Variants in CNOT2 observed in about 807,000 individuals in gnomAD.
CNOT2 encodes CCR4-NOT transcription complex subunit 2.
A neutral mutation model predicts 72.1 loss-of-function variants in CNOT2; 7 were observed. That is an observed-to-expected ratio of 0.10 (90% CI 0.06 to 0.18). The LOEUF (loss-of-function observed/expected upper bound fraction) is 0.18, where lower values mean the gene tolerates loss of function less well. Ranked by LOEUF, CNOT2 falls within the 10% of genes least tolerant of loss-of-function variation. CNOT2 has a pLI of 1.00. For missense variants in CNOT2, 345 were observed against 660.3 expected, an observed-to-expected ratio of 0.52 and a Z score of 5.23; for synonymous variants, 196 against 225.6, an observed-to-expected ratio of 0.87 and a Z score of 1.17.
intron 2 of CNOT2, among the ~76,000 whole-genome samples, chr12:70,304,115 T>G (rs1405213119): frequency 6.6e-6 from 1 of 152,204 alleles, no homozygotes; most frequent in Non-Finnish European, 1.5e-5. Flanking sequence ...TAATTTTTTT[T>G]CAAGGTTTTT....
intron 6 of CNOT2, chr12:70,331,440 A>G (rs1879926495): frequency 6.6e-6 from 1 of 151,822 alleles, no homozygotes; most frequent in Admixed American, 6.6e-5. Context: ...TAACTTTATC[A>G]TATCTTTGTG....
chr12:70,251,978 T>C (rs896876594), intron 1 of CNOT2, among the ~76,000 whole-genome samples: 1 of 152,212 alleles, frequency 6.6e-6, no homozygotes, highest in East Asian at 1.9e-4. Context: ...ACATAGGTGC[T>C]GATATTTATG....
intron 2 of CNOT2, among the ~76,000 whole-genome samples, chr12:70,281,607 A>G (rs981846631): frequency 2.0e-5 from 3 of 152,240 alleles, no homozygotes; most frequent in Admixed American, 6.5e-5. Context: ...GTAATGCCTC[A>G]CCTTTGTTCA....
chr12:70,333,291 T>A (rs1275929093), intron 7 of CNOT2, among the ~76,000 whole-genome samples: 2 of 151,896 alleles, frequency 1.3e-5, no homozygotes, highest in Admixed American at 1.3e-4. Context: ...TTCTTAATAG[T>A]TTTAATAATA....
chr12:70,259,775 C>T (rs1048425503), intron 1 of CNOT2, among the ~76,000 whole-genome samples: 16 of 152,130 alleles, frequency 1.1e-4, no homozygotes, highest in African/African-American at 3.9e-4. Context: ...ATCCTCTTCC[C>T]CCAGTTTTGC....
At chr12:70,256,607 G>T (rs963377005) in intron 1 of CNOT2, among the ~76,000 whole-genome samples, 14 of 147,120 alleles carry the variant, frequency 9.5e-5, no homozygotes, top group Non-Finnish European at 1.5e-4. Context: ...AAAAAAAGTG[G>T]TAATAGCATA....
rs550124573 is a variant in CNOT2 at position 70,353,368 on chromosome 12, C to T, written c.1537-461C>T. On this transcript the variant is annotated intron_variant, in intron 15 of 15. Coordinates refer to ENST00000229195, the MANE Select transcript of CNOT2 (RefSeq NM_014515.7). ...GGGATTACAGACGTGAGCCACTGTG[C>T]GCGGCCCTGCTTATTTTTTAATATA... 1.6e-4 allele frequency among the ~76,000 whole-genome samples: 25 copies of T among 152,170 alleles called. No homozygotes were observed. The South Asian group carries it at 4.2e-3, about 25-fold the overall frequency.
chr12:70,287,548 G>A (rs1871117336), intron 2 of CNOT2, among the ~76,000 whole-genome samples: 1 of 149,640 alleles, frequency 6.7e-6, no homozygotes, highest in Non-Finnish European at 1.5e-5. Flanking sequence ...ATTTGTTTAT[G>A]TGTTTGAACA....
intron 7 of CNOT2, among the ~76,000 whole-genome samples, chr12:70,333,487 C>T (rs971658906): frequency 1.3e-5 from 2 of 151,744 alleles, no homozygotes; most frequent in African/African-American, 4.8e-5. Flanking sequence ...TTAGGTTTTA[C>T]CTTCTCCACC....
intron 9 of CNOT2, chr12:70,337,747 T>G (rs1362429687): frequency 1.8e-6 from 1 of 546,014 alleles, no homozygotes; most frequent in East Asian, 4.5e-5. Flanking sequence ...ATTTAGACTT[T>G]TATTGTAGTC....
intron 2 of CNOT2, among the ~76,000 whole-genome samples, chr12:70,291,723 G>A (rs528965991): frequency 6.6e-6 from 1 of 152,058 alleles, no homozygotes; most frequent in Non-Finnish European, 1.5e-5. Flanking sequence ...AGATCACCAG[G>A]TCAGGAGATC....
intron 4 of CNOT2, chr12:70,323,710 T>C (rs1878648319): frequency 6.6e-6 from 1 of 151,786 alleles, no homozygotes; most frequent in Non-Finnish European, 1.5e-5. Context: ...CAGCAAGAAG[T>C]ACAGTCTTCA....
intron 8 of CNOT2, chr12:70,336,902 C>T (rs1035149397): frequency 6.5e-6 from 1 of 153,430 alleles, no homozygotes; most frequent in East Asian, 1.9e-4. Flanking sequence ...TGTTTTACAT[C>T]TATAACATGG....
rs569486503 is a variant in CNOT2 at position 70,353,261 on chromosome 12, C to T, written c.1537-568C>T. Among the ~76,000 whole-genome samples the T allele has an allele frequency of 2.6e-3, 396 of 151,854 alleles. 1 individual carries two copies. The highest frequency in any genetic ancestry group is 6.8e-3 in the Middle Eastern group (2 of 294). The stretch of plus-strand genomic sequence containing the variant: ...CTAATTTTTGTATTTTTAGTACAGA[C>T]GGGGTTTCACCATGTTGATTGGTAA... On this transcript the variant is annotated intron_variant, in intron 15 of 15. Transcript: ENST00000229195.
At chr12:70,302,460 C>A (rs1255408044) in intron 2 of CNOT2, among the ~76,000 whole-genome samples, 1 of 151,720 alleles carries the variant, frequency 6.6e-6, no homozygotes, top group African/African-American at 2.4e-5. Flanking sequence ...TTTCTGCCTT[C>A]ATTTCGTTAT....
At chr12:70,287,532 A>G (rs773046280) in intron 2 of CNOT2, among the ~76,000 whole-genome samples, 4 of 149,736 alleles carry the variant, frequency 2.7e-5, no homozygotes, top group Non-Finnish European at 4.4e-5. Context: ...TCTGTATGAT[A>G]CAATTATTTG....
intron 2 of CNOT2, among the ~76,000 whole-genome samples, chr12:70,292,635 T>G (rs1010285325): frequency 3.9e-5 from 6 of 152,046 alleles, no homozygotes; most frequent in African/African-American, 1.4e-4. Context: ...CAGGGGAGAT[T>G]AGAGATAACA....
intron 3 of CNOT2, 125 bp from the exon 4 acceptor site, chr12:70,319,172 GT>G: frequency 1.4e-6 from 1 of 719,396 alleles, no homozygotes; most frequent in Non-Finnish European, 2.2e-6. Context: ...TTTGTTTTAT[GT>G]TTTTCTGAAG....
At chr12:70,338,265 T>C (rs538360416) in intron 9 of CNOT2, 178 bp from the exon 10 acceptor site, 1 of 504,422 alleles carries the variant, frequency 2.0e-6, no homozygotes, top group Admixed American at 3.6e-5. Flanking sequence ...TGATATAGGA[T>C]TTATTTGTAT....
Sources: gnomAD v4.1 joint callset for allele counts (sites outside exome capture counted in the v4.1 genomes callset) on GRCh38, gnomAD v4.1.1 for gene constraint, MANE v1.5 for transcripts, NCBI Gene and HGNC (gene_info 2026-07-23, HGNC 2026-07-21) for gene names.